Variants in C6orf163 observed in about 807,000 individuals in gnomAD.
C6orf163 encodes uncharacterized protein C6orf163.
A neutral mutation model predicts 28.4 loss-of-function variants in C6orf163; 22 were observed. The observed-to-expected ratio is 0.78, with a 90% CI of 0.55 to 1.11. The LOEUF is 1.11. Among genes scored for constraint, C6orf163 ranks in the 50% least tolerant of loss-of-function variants. The pLI is 0.00. For synonymous variants in C6orf163, 110 were observed against 123.6 expected, an observed-to-expected ratio of 0.89 and a Z score of 0.73; for missense variants, 342 against 389.1, an observed-to-expected ratio of 0.88 and a Z score of 1.02.
chr6:87,347,547 C>T (rs1054308814), intron 1 of C6orf163: 1 of 985,290 alleles, frequency 1.0e-6, no homozygotes, highest in African/African-American at 1.7e-5. Context: ...TCCATCTCCA[C>T]CGTAATATAT....
intron 4 of C6orf163, chr6:87,357,413 T>C (rs909586411): frequency 3.3e-5 from 5 of 152,282 alleles, no homozygotes; most frequent in African/African-American, 9.6e-5. Flanking sequence ...TCCCTTTTGC[T>C]TTGCTGCTTG....
Position 87,350,415 on chromosome 6 carries a change from G to T in C6orf163, c.265G>T (p.Ala89Ser). The stretch of plus-strand genomic sequence containing the variant: ...AAAGGCTAATGAACGTCAAAAACAA[G>T]CAGTGGAGAAAGCACTTGAAGAAGC... ...WAQANERQKQ[A>S]VEKALEEAND... is the part of the protein sequence containing the mutation. Residue 89 changes from alanine to serine, a missense_variant, in exon 3 of 5, where the codon GCA becomes TCA. Physicochemically the swap from Ala to Ser is moderately conservative, Grantham distance 99 (BLOSUM62 1). Transcript: ENST00000388923. 1 of 1,533,570 alleles carries T rather than the reference G, an allele frequency of 6.5e-7. No homozygotes were observed. Among genetic ancestry groups the T allele is most frequent in the South Asian group, 1.2e-5 (1 of 83,156 alleles). The allele number at this position is 1,533,570 out of a possible 1,614,324, so 95.0% of individuals were successfully genotyped here.
chr6:87,354,910 C>T (rs930713406), intron 3 of C6orf163, among the ~76,000 whole-genome samples: 8 of 152,302 alleles, frequency 5.3e-5, no homozygotes, highest in Non-Finnish European at 7.3e-5. Flanking sequence ...TCTCTCTGGA[C>T]GCTGTAAACA....
intron 2 of C6orf163, among the ~76,000 whole-genome samples, 182 bp downstream of exon 2, chr6:87,349,088 A>G (rs1171695578): frequency 6.6e-6 from 1 of 152,162 alleles, no homozygotes; most frequent in Non-Finnish European, 1.5e-5. Context: ...AAGTAATAAT[A>G]GTACCCATTC....
intron 4 of C6orf163, among the ~76,000 whole-genome samples, chr6:87,360,537 C>T (rs1234465520): frequency 8.3e-6 from 1 of 120,634 alleles, no homozygotes; most frequent in East Asian, 2.4e-4. Context: ...GCTGGGATTG[C>T]AGGTACTCAC....
chr6:87,361,117 T>C lies in C6orf163; in HGVS notation c.555-3844T>C, dbSNP rs551357093. On this transcript the variant is annotated intron_variant, in intron 4 of 4. Coordinates refer to ENST00000388923, the MANE Select transcript of C6orf163 (RefSeq NM_001010868.3). ...CTGGCCAACATGGCAAAACCCTGTC[T>C]CTACAAAAAATACAAAAATTAGCTG... 5.9e-5 allele frequency among the ~76,000 whole-genome samples: 9 copies of C among 152,136 alleles called. No homozygotes were observed. In the South Asian group the frequency reaches 1.9e-3, roughly 32 times the overall value.
Position 87,365,303 on chromosome 6 carries a change from G to T in C6orf163, c.897G>T (p.Lys299Asn). The T allele has an allele frequency of 6.4e-7, 1 of 1,551,624 alleles. No individual in the cohort carries two copies. The highest frequency in any genetic ancestry group is 8.7e-7 in the Non-Finnish European group (1 of 1,146,876). ...FQKYINYTFP[K>N]LSPGHADFIL... ...AATACATCAATTATACCTTTCCTAA[G>T]CTTTCACCAGGACATGCAGATTTTA... Residue 299 changes from lysine (K) to asparagine (N), a missense_variant, in exon 5 of 5, where the codon AAG becomes AAT. Physicochemically the swap from Lys to Asn is moderately conservative, Grantham distance 94. Coordinates refer to ENST00000388923, the MANE Select transcript of C6orf163 (RefSeq NM_001010868.3).
intron 3 of C6orf163, chr6:87,356,060 C>A: frequency 2.2e-6 from 1 of 445,720 alleles, no homozygotes. Flanking sequence ...TTCTTTTTTC[C>A]ATATTCCCTT....
chr6:87,349,394 C>T (rs1777377492), intron 2 of C6orf163, among the ~76,000 whole-genome samples: 1 of 152,150 alleles, frequency 6.6e-6, no homozygotes, highest in Admixed American at 6.6e-5. Flanking sequence ...GGCCTACTCC[C>T]CTTTTCCTCC....
At chr6:87,350,348 G>T in intron 2 of C6orf163, 46 bp from the exon 3 acceptor site, 1 of 1,232,638 alleles carries the variant, frequency 8.1e-7, no homozygotes, top group Non-Finnish European at 1.1e-6. Context: ...GTTTGCTTGT[G>T]CTTATTCTGA....
chr6:87,353,266 C>A (rs1473127615), intron 3 of C6orf163, among the ~76,000 whole-genome samples: 1 of 152,100 alleles, frequency 6.6e-6, no homozygotes, highest in African/African-American at 2.4e-5. Flanking sequence ...TTTTTAAATT[C>A]TATGATTCAA....
At chr6:87,349,204 C>T (rs1777375532) in intron 2 of C6orf163, among the ~76,000 whole-genome samples, 1 of 152,144 alleles carries the variant, frequency 6.6e-6, no homozygotes, top group Non-Finnish European at 1.5e-5. Context: ...CAGCTGCCCT[C>T]TCTGTAGGGA....
chr6:87,348,531 C>T lies in C6orf163; in HGVS notation c.149-281C>T, dbSNP rs1276129224. ...CTACTTTGGGTGTACAAAATATGTC[C>T]CTTTCTTCGGGCATTTATTTCACCT... On this transcript the variant is annotated intron_variant, in intron 1 of 4. Coordinates refer to ENST00000388923, the MANE Select transcript of C6orf163 (RefSeq NM_001010868.3). The T allele has an allele frequency of 6.1e-6, 7 of 1,151,852 alleles. No individual in the cohort carries two copies. The East Asian group carries it at 3.1e-4, about 52-fold the overall frequency. The allele number at this position is 1,151,852 out of a possible 1,614,324, so 71.4% of individuals were successfully genotyped here. A position where few individuals can be genotyped will look rare whatever the true frequency, so the allele number is the denominator to read the frequency against.
chr6:87,354,883 C>T (rs140082222), intron 3 of C6orf163, among the ~76,000 whole-genome samples: 69 of 152,326 alleles, frequency 4.5e-4, no homozygotes, highest in African/African-American at 1.6e-3. Flanking sequence ...GACTTTCTCT[C>T]AGCTTCAGCT....
chr6:87,360,953 T>A (rs1299351156), intron 4 of C6orf163, among the ~76,000 whole-genome samples: 2 of 151,942 alleles, frequency 1.3e-5, no homozygotes, highest in East Asian at 3.9e-4. Context: ...TTCCACAACT[T>A]CAGGGAACTC....
At chr6:87,355,516 G>A (rs777221719) in intron 3 of C6orf163, among the ~76,000 whole-genome samples, 1 of 152,040 alleles carries the variant, frequency 6.6e-6, no homozygotes, top group African/African-American at 2.4e-5. Flanking sequence ...AGCTGTGATT[G>A]TGCCATTGCC....
At chr6:87,347,816 A>T in intron 1 of C6orf163, 1 of 985,486 alleles carries the variant, frequency 1.0e-6, no homozygotes, top group South Asian at 4.7e-5. Context: ...GAAAGGAGGA[A>T]TGTGGATCCA....
chr6:87,356,542 T>C (rs1461466706), intron 4 of C6orf163, 39 bp downstream of exon 4: 1 of 1,533,690 alleles, frequency 6.5e-7, no homozygotes, highest in East Asian at 2.5e-5. Context: ...GTAACTTCCT[T>C]TATCAAAATC....
chr6:87,350,379 C>T lies in C6orf163; in HGVS notation c.244-15C>T. 1 of 1,467,280 alleles carries T rather than the reference C, an allele frequency of 6.8e-7. No homozygotes were observed. The highest frequency in any genetic ancestry group is 9.2e-7 in the Non-Finnish European group (1 of 1,087,054). The allele number at this position is 1,467,280 out of a possible 1,614,324, so 90.9% of individuals were successfully genotyped here. ...TCTGATACATTAATAGATAAATGGACTCTTTCTTTCAAAGGCTAATGAACG... is the reference window on the plus strand; with the variant it reads ...TCTGATACATTAATAGATAAATGGATTCTTTCTTTCAAAGGCTAATGAACG... On this transcript the variant is annotated splice_polypyrimidine_tract_variant and intron_variant, in intron 2 of 4. Coordinates refer to ENST00000388923, the MANE Select transcript of C6orf163 (RefSeq NM_001010868.3).
Sources: gnomAD v4.1 joint callset for allele counts (sites outside exome capture counted in the v4.1 genomes callset) on GRCh38, gnomAD v4.1.1 for gene constraint, MANE v1.5 for transcripts, NCBI Gene and HGNC (gene_info 2026-07-23, HGNC 2026-07-21) for gene names.